TNRC18: variants seen among roughly 807,000 people sequenced by gnomAD.
TNRC18 encodes trinucleotide repeat-containing gene 18 protein.
A neutral mutation model predicts 226.7 loss-of-function variants in TNRC18; 69 were observed. The ratio of observed to expected loss-of-function variants is 0.30; its 90% CI spans 0.25 to 0.37. The LOEUF is 0.37. Ranked by LOEUF, TNRC18 falls within the 10% of genes least tolerant of loss-of-function variation. TNRC18 has a pLI of 1.00. For missense variants in TNRC18, 4,754 were observed against 4,256.6 expected, an observed-to-expected ratio of 1.12 and a Z score of -3.25; for synonymous variants, 2,449 against 1,927.6, an observed-to-expected ratio of 1.27 and a Z score of -7.09.
chr7:5,321,285 G>C, intron 21 of TNRC18, 95 bp from the exon 22 acceptor site: 1 of 909,010 alleles, frequency 1.1e-6, no homozygotes. Context: ...CCTTGGAATG[G>C]AGGCCCTGGT....
intron 2 of TNRC18, among the ~76,000 whole-genome samples, chr7:5,417,650 GCTGAGTAAA>G (rs1782274941): frequency 6.6e-6 from 1 of 152,172 alleles, no homozygotes; most frequent in Non-Finnish European, 1.5e-5. Context: ...GAAATTATTT[GCTGAGTAAA>G]TGAGCAAGTG....
chr7:5,421,562 A>G (rs1366512891), intron 1 of TNRC18, 73 bp from the exon 2 acceptor site: 3 of 152,270 alleles, frequency 2.0e-5, no homozygotes, highest in Non-Finnish European at 4.4e-5. Flanking sequence ...AAATAAAGTA[A>G]CAAGTTTCAG....
At chr7:5,326,858 C>A (rs1303431426) in intron 19 of TNRC18, among the ~76,000 whole-genome samples, 5 of 151,314 alleles carry the variant, frequency 3.3e-5, no homozygotes, top group Admixed American at 6.6e-5. Flanking sequence ...GGTGCAGTGG[C>A]TCCTGCCTGT....
intron 10 of TNRC18, among the ~76,000 whole-genome samples, chr7:5,372,350 T>C (rs1460898430): frequency 6.6e-6 from 1 of 151,832 alleles, no homozygotes; most frequent in Non-Finnish European, 1.5e-5. Flanking sequence ...GTGCTGGGAC[T>C]ATAGGCGTGA....
intron 5 of TNRC18, among the ~76,000 whole-genome samples, chr7:5,378,375 G>A (rs537664776): frequency 5.3e-5 from 8 of 152,164 alleles, no homozygotes; most frequent in Admixed American, 2.0e-4. Flanking sequence ...ACGTGAGGCC[G>A]GGTGCACTTA....
chr7:5,376,789 C>G lies in TNRC18; in HGVS notation c.2608+58G>C. ...AGCAGGAAGCCCTTGGCATCAGAGA[C>G]CATCTCGCTGGGCATGGCCAGTCTG... On this transcript the variant is annotated intron_variant, in intron 8 of 29. Transcript: ENST00000430969. 1.9e-6 allele frequency: 3 copies of G among 1,575,090 alleles called. No homozygotes were observed. In the South Asian group the frequency reaches 3.5e-5, roughly 18 times the overall value.
intron 8 of TNRC18, among the ~76,000 whole-genome samples, chr7:5,376,642 G>C (rs1429971439): frequency 6.6e-6 from 1 of 152,170 alleles, no homozygotes; most frequent in East Asian, 1.9e-4. Context: ...TTCTCTTTAT[G>C]GAGTTTTTGG....
At chr7:5,382,780 T>A (rs1779488568) in intron 5 of TNRC18, among the ~76,000 whole-genome samples, 1 of 152,092 alleles carries the variant, frequency 6.6e-6, no homozygotes, top group African/African-American at 2.4e-5. Context: ...CCTGCAGGCC[T>A]GTCTCCCCAT....
intron 21 of TNRC18, among the ~76,000 whole-genome samples, chr7:5,322,484 G>C (rs1235460306): frequency 2.6e-5 from 4 of 152,118 alleles, no homozygotes; most frequent in South Asian, 2.1e-4. Flanking sequence ...TGTAGAGACA[G>C]GGTCCACTAT....
At chr7:5,325,370 GAACAA>G (rs1788794819) in intron 19 of TNRC18, 122 bp from the exon 20 acceptor site, 1 of 1,077,152 alleles carries the variant, frequency 9.3e-7, no homozygotes, top group African/African-American at 1.7e-5. Context: ...CTCCCAGGAG[GAACAA>G]AACACCCCTT....
At position 5,392,549 on chromosome 7, in the gene TNRC18, G is replaced by A. The variant is rs369655312; in HGVS notation, c.343+1891C>T. ...GAATTGCTTGAACCCGGGAGGTAGA[G>A]GTTGCAGTGAGCCAAGATTGTGCCA... On this transcript the variant is annotated intron_variant, in intron 3 of 29. Transcript: ENST00000430969. Among the ~76,000 whole-genome samples the A allele has an allele frequency of 1.9e-4, 29 of 152,328 alleles. No individual in the cohort carries two copies. In the East Asian group the frequency reaches 5.4e-3, roughly 28 times the overall value.
At chr7:5,328,669 C>T (rs1233107247) in intron 19 of TNRC18, among the ~76,000 whole-genome samples, 1 of 151,994 alleles carries the variant, frequency 6.6e-6, no homozygotes, top group Non-Finnish European at 1.5e-5. Context: ...CCACCACACC[C>T]GGCTACTTTT....
chr7:5,354,817 C>G (rs1426510899), intron 16 of TNRC18, among the ~76,000 whole-genome samples: 1 of 152,190 alleles, frequency 6.6e-6, no homozygotes, highest in Non-Finnish European at 1.5e-5. Context: ...CGTAAGCTCA[C>G]TTAAGGCCCC....
chr7:5,377,696 C>CG lies in TNRC18; in HGVS notation c.2256-121dup, dbSNP rs1288158064. ...GCCATGAGTCAGGACAACCACTGCTCGGAACTGAAGGGCCTCCCGGGGCCT... is the reference window on the plus strand; with the variant it reads ...GCCATGAGTCAGGACAACCACTGCTCGGGAACTGAAGGGCCTCCCGGGGCCT... On this transcript the variant is annotated intron_variant, in intron 6 of 29. Coordinates refer to ENST00000430969, the MANE Select transcript of TNRC18 (RefSeq NM_001080495.3). This position sits in a 1 kb window ranked among gnomAD's most constrained non-coding sequence, Gnocchi z 5.8. 8.3e-7 allele frequency: 1 copy of CG among 1,211,386 alleles called. No individual in the cohort carries two copies. The highest frequency in any genetic ancestry group is 1.2e-6 in the Non-Finnish European group (1 of 865,722). 75.0% of individuals were successfully genotyped at this position (1,211,386 alleles called of 1,614,324 possible). A position where few individuals can be genotyped will look rare whatever the true frequency, so the allele number is the denominator to read the frequency against.
chr7:5,317,433 T>A (rs879889620), intron 24 of TNRC18, among the ~76,000 whole-genome samples: 69 of 151,996 alleles, frequency 4.5e-4, no homozygotes, highest in Non-Finnish European at 8.4e-4. Flanking sequence ...CTACTAAAAA[T>A]ACAAAAAATT....
At chr7:5,369,034 TCA>T (rs1793906386) in intron 11 of TNRC18, among the ~76,000 whole-genome samples, 1 of 152,032 alleles carries the variant, frequency 6.6e-6, no homozygotes, top group Admixed American at 6.6e-5. Context: ...GTCCCAGAAC[TCA>T]GTTTGATGCC....
At chr7:5,405,048 C>T (rs1781372357) in intron 2 of TNRC18, among the ~76,000 whole-genome samples, 3 of 151,446 alleles carry the variant, frequency 2.0e-5, no homozygotes, top group Admixed American at 2.0e-4. Context: ...ACCTGGGAGA[C>T]AGAGGTTGCA....
chr7:5,377,030 A>T lies in TNRC18; in HGVS notation c.2462-37T>A. 1 of 1,548,718 alleles carries T rather than the reference A, an allele frequency of 6.5e-7. No individual in the cohort carries two copies. Among genetic ancestry groups the T allele is most frequent in the South Asian group, 1.2e-5 (1 of 83,706 alleles). On this transcript the variant is annotated intron_variant, in intron 7 of 29. Coordinates refer to ENST00000430969, the MANE Select transcript of TNRC18 (RefSeq NM_001080495.3). The surrounding 1 kb of genome is among the most constrained non-coding windows in gnomAD (Gnocchi z 5.8). The stretch of plus-strand genomic sequence containing the variant: ...AGCCCAGGCCTGAGTCAGTGCTGGG[A>T]GCCCCCAAGCGGTTTGTCCTCGGGC...
At position 5,371,377 on chromosome 7, in the gene TNRC18, CAG is replaced by C. The variant is rs761287159; in HGVS notation, c.3230-15_3230-14del. ...CTGGGCGGGATATCTGCCAAGGACA[CAG>C]GGGTCAGCATGGGAGCCCTAGGATC... On this transcript the variant is annotated splice_polypyrimidine_tract_variant and intron_variant, in intron 10 of 29. Coordinates refer to ENST00000430969, the MANE Select transcript of TNRC18 (RefSeq NM_001080495.3). The C allele has an allele frequency of 2.1e-5, 31 of 1,498,866 alleles. No homozygotes were observed. The East Asian group carries it at 4.3e-4, about 21-fold the overall frequency. The allele number at this position is 1,498,866 out of a possible 1,614,324, so 92.8% of individuals were successfully genotyped here.
Sources: allele counts gnomAD v4.1 joint callset (sites outside exome capture counted in the v4.1 genomes callset), GRCh38; gene constraint gnomAD v4.1.1; non-coding constraint Gnocchi (gnomAD v3.1); transcripts MANE v1.5; gene names NCBI Gene and HGNC (gene_info 2026-07-23, HGNC 2026-07-21).